Variants in ROBO2 observed in about 807,000 individuals in gnomAD.
ROBO2 encodes the protein roundabout guidance receptor 2, also known as roundabout homolog 2.
A neutral mutation model predicts 160.8 loss-of-function variants in ROBO2; 53 were observed. The ratio of observed to expected loss-of-function variants is 0.33; its 90% CI spans 0.26 to 0.41. The LOEUF (loss-of-function observed/expected upper bound fraction) is 0.41, where lower values mean the gene tolerates loss of function less well. Ranked by LOEUF, ROBO2 falls within the 10% of genes least tolerant of loss-of-function variation. The probability of loss-of-function intolerance (pLI) is 1.00; values close to 1 mark genes in which losing one functional copy is unlikely to be tolerated. For missense variants in ROBO2, 1,577 were observed against 1,722.4 expected, an observed-to-expected ratio of 0.92 and a Z score of 1.49; for synonymous variants, 664 against 611.7, an observed-to-expected ratio of 1.09 and a Z score of -1.26.
chr3:76,474,534 G>C (rs1351943804), intron 2 of ROBO2, among the ~76,000 whole-genome samples: 1 of 152,086 alleles, frequency 6.6e-6, no homozygotes, highest in Non-Finnish European at 1.5e-5. Context: ...CAACAAAAGT[G>C]CCTCTTCTCA....
At chr3:76,447,704 A>C (rs1036624168) in intron 2 of ROBO2, among the ~76,000 whole-genome samples, 1 of 151,610 alleles carries the variant, frequency 6.6e-6, no homozygotes, top group Non-Finnish European at 1.5e-5. Flanking sequence ...ATGGAATACT[A>C]TGCAGCCGTA....
chr3:77,105,332 G>A (rs562369801), intron 2 of ROBO2, among the ~76,000 whole-genome samples: 1 of 152,290 alleles, frequency 6.6e-6, no homozygotes, highest in South Asian at 2.1e-4. Flanking sequence ...AAGAATATAG[G>A]AGCAACTTTC....
intron 1 of ROBO2, among the ~76,000 whole-genome samples, chr3:77,076,564 T>G (rs2068030788): frequency 6.6e-6 from 1 of 152,154 alleles, no homozygotes; most frequent in African/African-American, 2.4e-5. Flanking sequence ...TTAAGCTATG[T>G]CTCACCAACC....
At chr3:77,455,737 C>A (rs2081571051) in intron 2 of ROBO2, among the ~76,000 whole-genome samples, 1 of 146,122 alleles carries the variant, frequency 6.8e-6, no homozygotes, top group Admixed American at 6.8e-5. Context: ...GCCTTATACT[C>A]TTTTTTTTTT....
intron 2 of ROBO2, among the ~76,000 whole-genome samples, chr3:76,278,049 A>C (rs1363208354): frequency 6.6e-6 from 1 of 151,802 alleles, no homozygotes; most frequent in Non-Finnish European, 1.5e-5. Flanking sequence ...CTTAATTGTC[A>C]TTAAGAGGTA....
chr3:76,628,238 A>T (rs747220261), intron 2 of ROBO2, among the ~76,000 whole-genome samples: 1 of 151,876 alleles, frequency 6.6e-6, no homozygotes, highest in Non-Finnish European at 1.5e-5. Flanking sequence ...GATAAAAACA[A>T]CGTGTGTTTT....
chr3:76,431,764 A>G (rs1478682334), intron 2 of ROBO2, among the ~76,000 whole-genome samples: 1 of 152,164 alleles, frequency 6.6e-6, no homozygotes, highest in Non-Finnish European at 1.5e-5. Context: ...GGTACCAAAT[A>G]AAAGAAGTTT....
At chr3:76,707,048 A>C (rs1413690792) in intron 2 of ROBO2, among the ~76,000 whole-genome samples, 1 of 152,050 alleles carries the variant, frequency 6.6e-6, no homozygotes, top group Non-Finnish European at 1.5e-5. Context: ...GTGTGTATGC[A>C]TGTATATATA....
intron 2 of ROBO2, among the ~76,000 whole-genome samples, chr3:75,984,948 A>G (rs888389262): frequency 2.6e-5 from 4 of 151,594 alleles, no homozygotes; most frequent in African/African-American, 9.6e-5. Context: ...TCTTATTTAA[A>G]TGGGCATCAG....
intron 2 of ROBO2, among the ~76,000 whole-genome samples, chr3:77,462,969 C>A (rs753865919): frequency 5.3e-5 from 8 of 152,164 alleles, no homozygotes; most frequent in Non-Finnish European, 1.0e-4. Context: ...CTCCATTTTA[C>A]CTTACGGCAT....
chr3:76,844,111 C>G (rs2068558691), intron 2 of ROBO2, among the ~76,000 whole-genome samples: 1 of 151,942 alleles, frequency 6.6e-6, no homozygotes, highest in Non-Finnish European at 1.5e-5. Context: ...GTTTTTTATG[C>G]TTGTTTGTTT....
rs146603304 is a variant in ROBO2 at position 76,125,360 on chromosome 3, C to A, written c.109+187758C>A. On this transcript the variant is annotated intron_variant, in intron 2 of 26. Coordinates refer to the ROBO2 transcript ENST00000487694. Reference sequence around the variant, plus strand: ...TGATTTATTTTCCTTTGAGTATATGCCAGTCATGGGATTGCTGGGTCAAAT... The same window carrying A: ...TGATTTATTTTCCTTTGAGTATATGACAGTCATGGGATTGCTGGGTCAAAT... 1.5e-4 allele frequency among the ~76,000 whole-genome samples: 23 copies of A among 152,166 alleles called. No homozygotes were observed. In the East Asian group the frequency reaches 4.3e-3, roughly 28 times the overall value.
intron 2 of ROBO2, among the ~76,000 whole-genome samples, chr3:77,210,181 G>GA (rs1560241484): frequency 6.6e-6 from 1 of 150,802 alleles, no homozygotes; most frequent in African/African-American, 2.4e-5. Context: ...CTTCATTGTG[G>GA]AAAATTGAGA....
chr3:76,445,670 T>A (rs2077144831), intron 2 of ROBO2, among the ~76,000 whole-genome samples: 1 of 151,976 alleles, frequency 6.6e-6, no homozygotes, highest in South Asian at 2.1e-4. Flanking sequence ...GTCCAGCAAC[T>A]CATCAAAAAG....
intron 1 of ROBO2, among the ~76,000 whole-genome samples, chr3:77,077,171 A>G (rs2068100552): frequency 6.6e-6 from 1 of 152,208 alleles, no homozygotes; most frequent in Admixed American, 6.5e-5. Flanking sequence ...CATCTATACA[A>G]GCTTTTAAAA....
At chr3:77,321,096 A>G (rs1108652) in intron 2 of ROBO2, among the ~76,000 whole-genome samples, 24,798 of 152,110 alleles carry the variant, frequency 0.16, 2,290 homozygotes, top group Admixed American at 0.28. Context: ...GTCGGAGTTA[A>G]CTCAAGCGGT....
chr3:76,434,220 A>C, intron 2 of ROBO2: 1 of 1,053,216 alleles, frequency 9.5e-7, no homozygotes, highest in Non-Finnish European at 1.5e-6. Context: ...ATATGCAGAG[A>C]TGGTCCACAC....
At chr3:77,552,576 A>T (rs939297181) in intron 8 of ROBO2, among the ~76,000 whole-genome samples, 3 of 152,040 alleles carry the variant, frequency 2.0e-5, no homozygotes, top group African/African-American at 7.2e-5. Context: ...ATAAGTGATG[A>T]CCAATGTTAA....
At chr3:77,000,700 G>T (rs760708394) in intron 2 of ROBO2, among the ~76,000 whole-genome samples, 3 of 151,848 alleles carry the variant, frequency 2.0e-5, no homozygotes, top group Non-Finnish European at 4.4e-5. Context: ...GCAAGTACTT[G>T]GTAAACATTT....
Sources: gnomAD v4.1 joint callset for allele counts (sites outside exome capture counted in the v4.1 genomes callset) on GRCh38, gnomAD v4.1.1 for gene constraint, MANE v1.5 for transcripts, NCBI Gene and HGNC (gene_info 2026-07-23, HGNC 2026-07-21) for gene names.